Variants in LDAH observed in about 807,000 individuals in gnomAD.
The protein encoded by LDAH is lipid droplet-associated hydrolase.
In LDAH, 26 loss-of-function variants were observed where a neutral mutation model predicts 29.6. The ratio of observed to expected loss-of-function variants is 0.88; its 90% confidence interval spans 0.64 to 1.22. The LOEUF (loss-of-function observed/expected upper bound fraction) is 1.22. Ranked by LOEUF, LDAH falls within the 50% of genes most tolerant of loss-of-function variation. The probability of loss-of-function intolerance (pLI) is 0.00; values close to 1 mark genes in which losing one functional copy is unlikely to be tolerated. For synonymous variants in LDAH, 117 were observed against 133.0 expected, an observed-to-expected ratio of 0.88 and a Z score of 0.83; for missense variants, 344 against 387.3, an observed-to-expected ratio of 0.89 and a Z score of 0.94.
chr2:20,771,452 T>C (rs979037298), intron 4 of LDAH, among the ~76,000 whole-genome samples: 1 of 152,234 alleles, frequency 6.6e-6, no homozygotes, highest in Non-Finnish European at 1.5e-5. Context: ...GCAAAATGAT[T>C]AAGGATTGTA....
At chr2:20,807,854 C>CA (rs1672180313) in intron 1 of LDAH, among the ~76,000 whole-genome samples, 1 of 137,454 alleles carries the variant, frequency 7.3e-6, no homozygotes, top group Non-Finnish European at 1.6e-5. Context: ...AATAAGAAAA[C>CA]AAAAAAAGAT....
intron 5 of LDAH, among the ~76,000 whole-genome samples, chr2:20,710,627 T>TATAGATATAGATATAG (rs1558399258): frequency 3.1e-4 from 43 of 139,220 alleles, no homozygotes; most frequent in African/African-American, 1.0e-3. Flanking sequence ...TATAGATATA[T>TATAGATATAGATATAG]ATATATAGAT....
intron 2 of LDAH, among the ~76,000 whole-genome samples, chr2:20,792,227 C>T (rs1215566738): frequency 4.6e-5 from 7 of 152,034 alleles, no homozygotes; most frequent in South Asian, 4.1e-4. Flanking sequence ...ACATGTCTTA[C>T]GTTGCTCATA....
chr2:20,714,648 G>A (rs1665025575), intron 5 of LDAH, among the ~76,000 whole-genome samples: 1 of 152,118 alleles, frequency 6.6e-6, no homozygotes, highest in Admixed American at 6.5e-5. Context: ...GACTAATAAA[G>A]AAGAAAAGAG....
At chr2:20,805,840 G>A (rs2125122337) in intron 1 of LDAH, among the ~76,000 whole-genome samples, 2 of 151,628 alleles carry the variant, frequency 1.3e-5, no homozygotes, top group South Asian at 2.1e-4. Flanking sequence ...AAAGTCATGG[G>A]CTGATTTATT....
At chr2:20,761,666 A>G (rs1177234549) in intron 4 of LDAH, among the ~76,000 whole-genome samples, 1 of 152,194 alleles carries the variant, frequency 6.6e-6, no homozygotes, top group Non-Finnish European at 1.5e-5. Context: ...CAAAGCAAAC[A>G]TAATTTATAC....
At chr2:20,766,157 A>G (rs1370315205) in intron 4 of LDAH, among the ~76,000 whole-genome samples, 22 of 152,236 alleles carry the variant, frequency 1.4e-4, no homozygotes, top group Admixed American at 1.4e-3. Context: ...CACAAAGTGA[A>G]ACAAAAGTTT....
rs185336414 is a variant in LDAH at position 20,685,244 on chromosome 2, T to C, written c.*1659A>G. ...GAAAAGCTCTGAATGTTACTCTTTA[T>C]TCTGGTAGGTATGATTTACCCAGTA... On this transcript the variant is annotated 3_prime_UTR_variant, in exon 7 of 7. Transcript: ENST00000237822. 11 of 470,532 alleles carry C rather than the reference T, an allele frequency of 2.3e-5. No individual in the cohort carries two copies. The Admixed American group carries it at 3.6e-4, about 15-fold the overall frequency. The allele number at this position is 470,532 out of a possible 1,614,324, so 29.1% of individuals were successfully genotyped here.
intron 2 of LDAH, among the ~76,000 whole-genome samples, chr2:20,790,909 C>T (rs184396661): frequency 1.6e-3 from 245 of 152,188 alleles, no homozygotes; most frequent in African/African-American, 5.5e-3. Flanking sequence ...AATAAATAAA[C>T]GATCTTTTTA....
intron 4 of LDAH, among the ~76,000 whole-genome samples, chr2:20,752,280 C>G (rs1289482891): frequency 6.6e-6 from 1 of 151,950 alleles, no homozygotes; most frequent in East Asian, 1.9e-4. Flanking sequence ...CCACTGAAAG[C>G]ATAGAGATAA....
rs767240298 is a variant in LDAH, at chr2:20,799,568, C to T, written c.154+1742G>A. Among the ~76,000 whole-genome samples the T allele has an allele frequency of 1.6e-4, 24 of 152,154 alleles. 1 individual carries two copies. Among genetic ancestry groups the T allele is most frequent in the Admixed American group, 4.6e-4 (7 of 15,282 alleles). On this transcript the variant is annotated intron_variant, in intron 2 of 6. Coordinates refer to ENST00000237822, the MANE Select transcript of LDAH (RefSeq NM_021925.4). ...GTTAACTATAGTCAGTCTACTCTGC[C>T]GACTATGCCAATTCTGTTGGTATAA...
intron 5 of LDAH, among the ~76,000 whole-genome samples, chr2:20,727,214 T>C (rs1179299521): frequency 6.6e-6 from 1 of 152,084 alleles, no homozygotes; most frequent in South Asian, 2.1e-4. Context: ...CTGTCTCTAA[T>C]ATAAATAAAT....
intron 4 of LDAH, among the ~76,000 whole-genome samples, chr2:20,766,831 C>A (rs1030498473): frequency 2.0e-5 from 3 of 152,224 alleles, no homozygotes; most frequent in Non-Finnish European, 4.4e-5. Context: ...GTCCCCTGTG[C>A]CCCACGTCCT....
chr2:20,690,949 G>A (rs1413548223), intron 6 of LDAH, among the ~76,000 whole-genome samples: 2 of 152,064 alleles, frequency 1.3e-5, no homozygotes, highest in African/African-American at 4.8e-5. Flanking sequence ...AGGAAATTGA[G>A]GCTTAGCAAG....
In LDAH at chr2:20,733,742, T is replaced by G. The variant is rs115596545; in HGVS notation, c.703+6229A>C. ...TTTATAGAGACAGGGCCTCACTGTG[T>G]TGCCCTGGCTGGTCTAGAACTCCTG... On this transcript the variant is annotated intron_variant, in intron 5 of 6. Transcript: ENST00000237822. 4.8e-3 allele frequency among the ~76,000 whole-genome samples: 729 copies of G among 152,172 alleles called. 2 individuals carry two copies. The highest frequency in any genetic ancestry group is 7.6e-3 in the Non-Finnish European group (517 of 67,998).
chr2:20,683,255 T>C (rs1336124373), downstream of LDAH, among the ~76,000 whole-genome samples: 1 of 152,196 alleles, frequency 6.6e-6, no homozygotes, highest in African/African-American at 2.4e-5. Context: ...CATGTCTGTA[T>C]GGGGCACAGG....
intron 5 of LDAH, among the ~76,000 whole-genome samples, chr2:20,728,503 T>C (rs1666173079): frequency 6.6e-6 from 1 of 151,180 alleles, no homozygotes; most frequent in Admixed American, 6.6e-5. Context: ...CAGAGCCCAC[T>C]GATCATCTCC....
chr2:20,716,957 T>C (rs78423822), intron 5 of LDAH, among the ~76,000 whole-genome samples: 8,207 of 150,538 alleles, frequency 0.055, 292 homozygotes, highest in East Asian at 0.13. Context: ...GGTGTTGTTT[T>C]AAGATACTAA....
chr2:20,702,689 C>A (rs1336329199), intron 5 of LDAH, among the ~76,000 whole-genome samples: 1 of 152,122 alleles, frequency 6.6e-6, no homozygotes, highest in African/African-American at 2.4e-5. Context: ...CTAAAAACTG[C>A]AAACTTACTT....
Sources: allele counts gnomAD v4.1 joint callset (sites outside exome capture counted in the v4.1 genomes callset), GRCh38; gene constraint gnomAD v4.1.1; transcripts MANE v1.5; gene names NCBI Gene and HGNC (gene_info 2026-07-23, HGNC 2026-07-21).